PUDP: variants seen among roughly 807,000 people sequenced by gnomAD.
The protein encoded by PUDP is pseudouridine 5'-phosphatase, also known as pseudouridine-5'-phosphatase.
Under a neutral mutation model 9.4 loss-of-function variants are expected in PUDP, and 8 were observed. The ratio of observed to expected loss-of-function variants is 0.85; its 90% CI spans 0.50 to 1.53. The LOEUF (loss-of-function observed/expected upper bound fraction) is 1.53, where lower values mean the gene tolerates loss of function less well. PUDP is among the 40% of genes most tolerant of loss of function. The probability of loss-of-function intolerance (pLI) is 0.00; values close to 1 mark genes in which losing one functional copy is unlikely to be tolerated. For missense variants in PUDP, 188 were observed against 189.7 expected (o/e 0.99, Z 0.05); for synonymous variants, 99 against 80.7 (o/e 1.23, Z -1.22).
chrX:6,983,938 A>G (rs1463531934), intron 1 of PUDP, among the ~76,000 whole-genome samples: 1 of 112,466 alleles, frequency 8.9e-6, no homozygotes, highest in Non-Finnish European at 1.9e-5. Flanking sequence ...TTGATCCCCT[A>G]TGCTCGGGCC....
chrX:7,081,536 C>T (rs761214588), intron 2 of PUDP, among the ~76,000 whole-genome samples: 18 of 112,475 alleles, frequency 1.6e-4, no homozygotes, highest in Non-Finnish European at 3.0e-4. Flanking sequence ...AAACACACAC[C>T]AATGTGTCTA....
At chrX:6,824,393 GA>G (rs1413145051) in intron 3 of PUDP, among the ~76,000 whole-genome samples, 1 of 111,621 alleles carries the variant, frequency 9.0e-6, no homozygotes, top group Non-Finnish European at 1.9e-5. Flanking sequence ...TTAGCAGCAT[GA>G]GAACAGACTA....
chrX:6,751,406 C>G (rs1402775624), intron 3 of PUDP, among the ~76,000 whole-genome samples: 1 of 111,512 alleles, frequency 9.0e-6, no homozygotes, highest in Non-Finnish European at 1.9e-5. Context: ...ATCACAGTAG[C>G]TGGAAATGGA....
rs201891537 is a variant in PUDP, at chrX:7,006,540, AT to A, written c.205-28198del. Among the ~76,000 whole-genome samples the A allele has an allele frequency of 1.9e-3, 212 of 109,230 alleles. 1 individual carries two copies. Among genetic ancestry groups the A allele is most frequent in the African/African-American group, 6.8e-3 (202 of 29,892 alleles). The allele number at this position is 109,230 out of a possible 115,157, so 94.9% of individuals were successfully genotyped here. ...CTGCCTATTTTTTTAAATTGGGTTGATTTTTTTTTGCTGCTGTTTAGGTAGA... is the reference window on the plus strand; with the variant it reads ...CTGCCTATTTTTTTAAATTGGGTTGATTTTTTTTGCTGCTGTTTAGGTAGA... On this transcript the variant is annotated intron_variant and NMD_transcript_variant, in intron 1 of 3. Coordinates refer to the PUDP transcript ENST00000655425.
chrX:6,832,987 T>TACACACACACAC (rs200319848), intron 3 of PUDP, among the ~76,000 whole-genome samples: 3 of 106,323 alleles, frequency 2.8e-5, no homozygotes, highest in African/African-American at 1.0e-4. Flanking sequence ...CTCTCTGACA[T>TACACACACACAC]ACACACACAC....
intron 3 of PUDP, among the ~76,000 whole-genome samples, chrX:6,742,647 C>T (rs780761656): frequency 7.2e-5 from 8 of 111,698 alleles, no homozygotes; most frequent in Admixed American, 1.9e-4. Context: ...GTGGAGCACA[C>T]GCCTGTAGTC....
intron 1 of PUDP, among the ~76,000 whole-genome samples, chrX:6,720,242 G>GTGTGTATA (rs1194391509): frequency 4.8e-5 from 2 of 41,691 alleles, no homozygotes; most frequent in African/African-American, 2.0e-4. Context: ...GTGTATATAT[G>GTGTGTATA]TATGTGTGTG....
intron 3 of PUDP, among the ~76,000 whole-genome samples, chrX:6,807,942 G>A (rs1031098601): frequency 8.9e-6 from 1 of 112,075 alleles, no homozygotes; most frequent in African/African-American, 3.2e-5. Context: ...TTTGACTGTA[G>A]AAAATATGTT....
At chrX:6,823,431 G>C (rs1285313829) in intron 3 of PUDP, among the ~76,000 whole-genome samples, 1 of 111,535 alleles carries the variant, frequency 9.0e-6, no homozygotes, top group African/African-American at 3.3e-5. Context: ...ATTTAAGTCT[G>C]AAAAGAAATA....
chrX:7,079,357 A>G (rs930753806), intron 2 of PUDP, among the ~76,000 whole-genome samples: 1 of 112,623 alleles, frequency 8.9e-6, no homozygotes, highest in Admixed American at 9.4e-5. Context: ...GAATGGAGAA[A>G]CACAAACGTA....
chrX:6,910,233 G>A (rs1045465259), intron 3 of PUDP, among the ~76,000 whole-genome samples: 1 of 112,090 alleles, frequency 8.9e-6, no homozygotes, highest in Admixed American at 9.5e-5. Flanking sequence ...TGATAAGAAT[G>A]CTCAGCCTGG....
intron 2 of PUDP, among the ~76,000 whole-genome samples, chrX:7,097,048 C>T (rs1353731796): frequency 9.0e-6 from 1 of 111,392 alleles, no homozygotes; most frequent in African/African-American, 3.3e-5. Flanking sequence ...CACACACACA[C>T]TCCAAAGAAT....
chrX:6,799,836 C>CA (rs1174382921), intron 3 of PUDP, among the ~76,000 whole-genome samples: 2 of 109,557 alleles, frequency 1.8e-5, no homozygotes, highest in Non-Finnish European at 1.9e-5. Context: ...AACTCTGTCT[C>CA]AAAAAAAATA....
chrX:6,950,709 C>G (rs1315509653), intron 3 of PUDP, among the ~76,000 whole-genome samples: 1 of 111,127 alleles, frequency 9.0e-6, no homozygotes, highest in Non-Finnish European at 1.9e-5. Context: ...TGCGTCTGGC[C>G]ATCAGTTAGT....
intron 3 of PUDP, among the ~76,000 whole-genome samples, chrX:6,975,663 G>A (rs1394139525): frequency 1.8e-5 from 2 of 111,574 alleles, no homozygotes; most frequent in African/African-American, 6.5e-5. Context: ...CTACTGGGAG[G>A]TGTCTCCCAG....
chrX:7,041,959 G>C (rs1267371561), intron 1 of PUDP, among the ~76,000 whole-genome samples: 1 of 107,416 alleles, frequency 9.3e-6, no homozygotes, highest in East Asian at 3.0e-4. Flanking sequence ...TCATCTTCCT[G>C]AGTAGCTGGT....
At chrX:7,071,559 C>G (rs1305298604) in intron 3 of PUDP, among the ~76,000 whole-genome samples, 3 of 111,101 alleles carry the variant, frequency 2.7e-5, no homozygotes, top group Non-Finnish European at 5.6e-5. Context: ...CTGTTCTTCT[C>G]TGTAAAAACG....
At chrX:7,053,158 G>T (rs1569146565) in intron 3 of PUDP, among the ~76,000 whole-genome samples, 1 of 109,214 alleles carries the variant, frequency 9.2e-6, no homozygotes, top group Non-Finnish European at 1.9e-5. Flanking sequence ...AATGTGGACT[G>T]GGGTAGAGGA....
At position 7,071,379 on chromosome X, in the gene PUDP, G is replaced by C. The variant is rs901853689; in HGVS notation, c.510+5841C>G. Among the ~76,000 whole-genome samples the C allele has an allele frequency of 6.3e-5, 7 of 111,360 alleles. 1 individual carries two copies. The Admixed American group carries it at 6.7e-4, about 11-fold the overall frequency. The stretch of plus-strand genomic sequence containing the variant: ...AATCTGTCACCCAGTACTCCACTGA[G>C]CTCTAAAACACAGACATGGCCAATG... On this transcript the variant is annotated intron_variant, in intron 3 of 3. Transcript: ENST00000381077.
Sources: gnomAD v4.1 joint callset for allele counts (sites outside exome capture counted in the v4.1 genomes callset) on GRCh38, gnomAD v4.1.1 for gene constraint, MANE v1.5 for transcripts, NCBI Gene and HGNC (gene_info 2026-07-23, HGNC 2026-07-21) for gene names.